ZNF71: variants seen among roughly 807,000 people sequenced by gnomAD.
ZNF71 encodes zinc finger protein 71, also known as endothelial zinc finger protein induced by tumor necrosis factor alpha.
Under a neutral mutation model 6.7 loss-of-function variants are expected in ZNF71, and 3 were observed. The observed-to-expected ratio is 0.45, with a 90% CI of 0.20 to 1.16. The LOEUF is 1.16. Ranked by LOEUF, ZNF71 falls within the 50% of genes most tolerant of loss-of-function variation. ZNF71 has a pLI of 0.25. For missense variants in ZNF71, 688 were observed against 728.6 expected (o/e 0.94, Z 0.64); for synonymous variants, 343 against 311.1 (o/e 1.10, Z -1.08).
intron 2 of ZNF71, among the ~76,000 whole-genome samples, chr19:56,607,985 A>G (rs921286493): frequency 6.6e-6 from 1 of 152,216 alleles, no homozygotes; most frequent in Non-Finnish European, 1.5e-5. Flanking sequence ...GGGCCTCTCC[A>G]AAGGACTCTG....
At chr19:56,619,806 G>A (rs189148678) in intron 3 of ZNF71, among the ~76,000 whole-genome samples, 76 of 152,302 alleles carry the variant, frequency 5.0e-4, no homozygotes, top group African/African-American at 1.7e-3. Context: ...GAGGCTCCAC[G>A]TGGCCATATC....
Position 56,621,560 on chromosome 19 carries a change from A to G in ZNF71, c.453A>G (p.Pro151=). 6.2e-7 allele frequency: 1 copy of G among 1,614,220 alleles called. No homozygotes were observed. The highest frequency in any genetic ancestry group is 8.5e-7 in the Non-Finnish European group (1 of 1,180,034). The change falls in exon 4 of 4, where the codon CCA becomes CCG. Residue 151 remains proline, a synonymous_variant. Transcript: ENST00000599599. Reference sequence around the variant, plus strand: ...ACCAAGGCTGTGTCCTGGTCCCACCACGGCTGGACGACCCCACAGAAAAGG... The same window carrying G: ...ACCAAGGCTGTGTCCTGGTCCCACCGCGGCTGGACGACCCCACAGAAAAGG... The part of the protein sequence containing the change: ...FANQGCVLVP[P]RLDDPTEKGA...
rs1308859053 is a variant in ZNF71, at chr19:56,622,610, C to T, written c.1503C>T (p.Gly501=). 6.2e-7 allele frequency: 1 copy of T among 1,613,648 alleles called. No homozygotes were observed. The highest frequency in any genetic ancestry group is 2.2e-5 in the East Asian group (1 of 44,830). Reference sequence around the variant, plus strand: ...CCGGCGAGAAGCCGTACAGGTGCGGCCAGTGCGGGAAGTCCTTCATCAAGA... The same window carrying T: ...CCGGCGAGAAGCCGTACAGGTGCGGTCAGTGCGGGAAGTCCTTCATCAAGA... ...IHTGEKPYRC[G]QCGKSFIKNS... is the part of the protein sequence containing the mutation. The change falls in exon 4 of 4, where the codon GGC becomes GGT. Residue 501 remains glycine (G), a synonymous_variant. Coordinates refer to ENST00000599599, the MANE Select transcript of ZNF71 (RefSeq NM_001370215.1).
intron 2 of ZNF71, among the ~76,000 whole-genome samples, chr19:56,607,014 A>G (rs2044715073): frequency 6.6e-6 from 1 of 152,192 alleles, no homozygotes; most frequent in African/African-American, 2.4e-5. Context: ...TGAAAGAGAC[A>G]GTGAAAATGG....
At chr19:56,597,947 G>T (rs934722453) in intron 1 of ZNF71, among the ~76,000 whole-genome samples, 4 of 152,094 alleles carry the variant, frequency 2.6e-5, no homozygotes, top group Non-Finnish European at 5.9e-5. Flanking sequence ...GCCAGCACTA[G>T]AAGTTAGCTC....
rs1339555011 is a variant in ZNF71 at position 56,613,745 on chromosome 19, C to T, written c.34-67C>T. ...CCTCCCCTAAATCCTCTTGGCTTTT[C>T]TGGCCATTCCTCCACGCCTCTGTAA... is the stretch of plus-strand genomic sequence containing the variant. On this transcript the variant is annotated intron_variant, in intron 2 of 3. Coordinates refer to ENST00000599599, the MANE Select transcript of ZNF71 (RefSeq NM_001370215.1). The surrounding 1 kb of genome is among the most constrained non-coding windows in gnomAD (Gnocchi z 4.6). 3 of 1,058,284 alleles carry T rather than the reference C, an allele frequency of 2.8e-6. No individual in the cohort carries two copies. The highest frequency in any genetic ancestry group is 3.4e-5 in the African/African-American group (2 of 58,968). The allele number at this position is 1,058,284 out of a possible 1,614,324, so 65.6% of individuals were successfully genotyped here. A position where few individuals can be genotyped will look rare whatever the true frequency, so the allele number is the denominator to read the frequency against.
chr19:56,611,668 T>G (rs1260924503), intron 2 of ZNF71, among the ~76,000 whole-genome samples: 12 of 152,188 alleles, frequency 7.9e-5, no homozygotes, highest in Admixed American at 4.6e-4. Flanking sequence ...TAGGTCTGTT[T>G]TAAGTTAATA....
rs1156757199 is a variant in ZNF71 at position 56,603,362 on chromosome 19, A to G, written c.33+1771A>G. On this transcript the variant is annotated intron_variant, in intron 2 of 3. Transcript: ENST00000599599. This position sits in a 1 kb window ranked among gnomAD's most constrained non-coding sequence, Gnocchi z 4.6. ...ACTGGCTTCTTTCACTCAGCATAAT[A>G]TTTGCAAGGTTCAACCATGTGGTAG... 8.5e-5 allele frequency among the ~76,000 whole-genome samples: 13 copies of G among 152,142 alleles called. No individual in the cohort carries two copies. Among genetic ancestry groups the G allele is most frequent in the Non-Finnish European group, 1.3e-4 (9 of 68,022 alleles).
At chr19:56,606,837 G>C (rs558060329) in intron 2 of ZNF71, among the ~76,000 whole-genome samples, 2 of 152,142 alleles carry the variant, frequency 1.3e-5, no homozygotes, top group Admixed American at 1.3e-4. Flanking sequence ...CTGTGATCTA[G>C]CCTGAGAGTC....
intron 2 of ZNF71, among the ~76,000 whole-genome samples, chr19:56,604,630 A>T (rs1361960832): frequency 6.6e-6 from 1 of 152,150 alleles, no homozygotes. Context: ...AACACAGCTC[A>T]TGAGGGGCAG....
At chr19:56,611,259 T>G (rs1339974455) in intron 2 of ZNF71, among the ~76,000 whole-genome samples, 1 of 151,466 alleles carries the variant, frequency 6.6e-6, no homozygotes, top group Non-Finnish European at 1.5e-5. Flanking sequence ...GAGGTCAGAG[T>G]CAGGACTACA....
In ZNF71 at chr19:56,597,682, G is replaced by T. The variant is rs148765957; in HGVS notation, c.-53+2254G>T. ...TTCATACTATGGAGACCCTACCCTC[G>T]ATTTGATTCCTTTAGTAATGTTTAT... On this transcript the variant is annotated intron_variant, in intron 1 of 3. Transcript: ENST00000599599. 3.2e-4 allele frequency among the ~76,000 whole-genome samples: 49 copies of T among 152,286 alleles called. 1 individual carries two copies. In the South Asian group the frequency reaches 1.0e-2, roughly 31 times the overall value.
Position 56,600,193 on chromosome 19 carries a change from T to TATTTTTA in ZNF71, c.-52-1314_-52-1313insATTTTTA, listed in dbSNP as rs1392621465. On this transcript the variant is annotated intron_variant, in intron 1 of 3. Coordinates refer to ENST00000599599, the MANE Select transcript of ZNF71 (RefSeq NM_001370215.1). ...TCACTGCAACCCTCTGTATTTTTTT[T>TATTTTTA]TTTTTTTTTTTTTTTGAGACGGAGT... Among the ~76,000 whole-genome samples the TATTTTTA allele has an allele frequency of 8.5e-4, 9 of 10,588 alleles. 3 individuals carry two copies. Among genetic ancestry groups the TATTTTTA allele is most frequent in the African/African-American group, 3.7e-3 (9 of 2,422 alleles). The allele number at this position is 10,588 out of a possible 152,430, so 6.9% of individuals were successfully genotyped here.
rs1323616084 is a variant in ZNF71, at chr19:56,623,311, T to C, written c.*554T>C. The C allele has an allele frequency of 5.9e-6, 1 of 168,390 alleles. No individual in the cohort carries two copies. The highest frequency in any genetic ancestry group is 6.5e-5 in the Admixed American group (1 of 15,410). 10.4% of individuals were successfully genotyped at this position (168,390 alleles called of 1,614,324 possible). A position where few individuals can be genotyped will look rare whatever the true frequency, so the allele number is the denominator to read the frequency against. ...GAAGTGGCAGGAGTTTGCCGGTTGT[T>C]TGTGAGGGGAAAAATTTTTTTTTCA... is the stretch of plus-strand genomic sequence containing the variant. On this transcript the variant is annotated 3_prime_UTR_variant, in exon 4 of 4. Coordinates refer to ENST00000599599, the MANE Select transcript of ZNF71 (RefSeq NM_001370215.1).
chr19:56,622,433 C>A lies in ZNF71; in HGVS notation c.1326C>A (p.Tyr442Ter). 1.2e-6 allele frequency: 2 copies of A among 1,613,998 alleles called. No individual in the cohort carries two copies. Among genetic ancestry groups the A allele is most frequent in the Non-Finnish European group, 1.7e-6 (2 of 1,179,980 alleles). Reference protein sequence around the residue: ...HQRIHTGEKPYECYICKKHFT... With the variant: ...HQRIHTGEKP Reference sequence around the variant, plus strand: ...GCATCCACACCGGCGAGAAGCCCTACGAGTGCTACATCTGCAAGAAGCACT... The same window carrying A: ...GCATCCACACCGGCGAGAAGCCCTAAGAGTGCTACATCTGCAAGAAGCACT... Residue 442 changes from tyrosine (Y) to a stop codon, truncating the protein, a stop_gained, in exon 4 of 4, where the codon TAC (tyrosine) becomes TAA (stop). Coordinates refer to ENST00000599599, the MANE Select transcript of ZNF71 (RefSeq NM_001370215.1). LOFTEE classifies it low-confidence loss of function (END_TRUNC).
intron 2 of ZNF71, among the ~76,000 whole-genome samples, chr19:56,612,372 A>ATATGTGTG (rs1491215819): frequency 6.6e-6 from 1 of 152,186 alleles, no homozygotes; most frequent in African/African-American, 2.4e-5. Flanking sequence ...CACACATATA[A>ATATGTGTG]TATATATGTA....
intron 1 of ZNF71, among the ~76,000 whole-genome samples, chr19:56,595,672 G>A (rs145662571): frequency 7.2e-5 from 11 of 152,158 alleles, no homozygotes; most frequent in East Asian, 3.9e-4. Context: ...ATCCTGGGGG[G>A]AAGGTGGCCT....
chr19:56,617,037 T>C (rs1490410480), intron 3 of ZNF71, among the ~76,000 whole-genome samples: 1 of 152,150 alleles, frequency 6.6e-6, no homozygotes, highest in Non-Finnish European at 1.5e-5. Context: ...GTACAGGCGT[T>C]GGAGGGGAGT....
intron 3 of ZNF71, among the ~76,000 whole-genome samples, chr19:56,615,310 T>C (rs1015887305): frequency 6.6e-6 from 1 of 152,236 alleles, no homozygotes; most frequent in Non-Finnish European, 1.5e-5. Context: ...CAACCTGTTT[T>C]CCAAAGTGAT....
Sources: gnomAD v4.1 joint callset for allele counts (sites outside exome capture counted in the v4.1 genomes callset) on GRCh38, gnomAD v4.1.1 for gene constraint, Gnocchi (gnomAD v3.1) non-coding constraint, MANE v1.5 for transcripts, NCBI Gene and HGNC (gene_info 2026-07-23, HGNC 2026-07-21) for gene names.